The following IFIH1 variants were observed in gnomAD, a reference collection of about 807,000 sequenced individuals.
IFIH1 encodes interferon induced with helicase C domain 1.
Under a neutral mutation model 107.4 loss-of-function variants are expected in IFIH1, and 125 were observed. The observed-to-expected ratio is 1.16, with a 90% CI of 1.01 to 1.35. The LOEUF (loss-of-function observed/expected upper bound fraction) is 1.35, where lower values mean the gene tolerates loss of function less well. Ranked by LOEUF, IFIH1 falls within the 40% of genes most tolerant of loss-of-function variation. IFIH1 has a pLI of 0.00. For missense variants in IFIH1, 1,333 were observed against 1,213.7 expected (o/e 1.10, Z -1.46); for synonymous variants, 458 against 413.2 (o/e 1.11, Z -1.31).
intron 1 of IFIH1, among the ~76,000 whole-genome samples, chr2:162,313,678 C>G (rs1029875336): frequency 3.9e-5 from 6 of 152,072 alleles, no homozygotes; most frequent in African/African-American, 1.4e-4. Context: ...CAGCAGAGTT[C>G]AACTCTCAGA....
intron 12 of IFIH1, among the ~76,000 whole-genome samples, chr2:162,273,540 G>T (rs746778904): frequency 6.6e-6 from 1 of 152,122 alleles, no homozygotes; most frequent in Non-Finnish European, 1.5e-5. Context: ...TCATGGTCCT[G>T]GAAAGCCTTA....
At position 162,288,255 on chromosome 2, in the gene IFIH1, G is replaced by T; in HGVS notation, c.975C>A (p.Ile325=). Residue 325 remains isoleucine (I), a synonymous_variant, in exon 5 of 16, where the codon ATC becomes ATA. Coordinates refer to ENST00000649979, the MANE Select transcript of IFIH1 (RefSeq NM_022168.4). ...VAQPALEGKN[I]IICLPTGSGK... is the part of the protein sequence containing the mutation. The stretch of plus-strand genomic sequence containing the variant: ...CACTCCCTGTAGGGAGGCAGATGAT[G>T]ATATTCTTCCCTTCCAAGGCTGGCT... 1.2e-6 allele frequency: 2 copies of T among 1,612,742 alleles called. No homozygotes were observed. Among genetic ancestry groups the T allele is most frequent in the East Asian group, 4.5e-5 (2 of 44,830 alleles).
intron 1 of IFIH1, among the ~76,000 whole-genome samples, chr2:162,313,990 T>C (rs1261278386): frequency 1.3e-5 from 2 of 151,992 alleles, no homozygotes; most frequent in Non-Finnish European, 2.9e-5. Flanking sequence ...GTGTGTGGAG[T>C]CTCCAGGACT....
chr2:162,286,941 A>C (rs993896408), intron 5 of IFIH1, among the ~76,000 whole-genome samples: 3 of 151,958 alleles, frequency 2.0e-5, no homozygotes, highest in Non-Finnish European at 4.4e-5. Context: ...AAGTTAGAGA[A>C]GTTACTAATT....
intron 1 of IFIH1, among the ~76,000 whole-genome samples, chr2:162,314,408 TTTC>T (rs1315962662): frequency 8.4e-5 from 6 of 71,044 alleles, no homozygotes; most frequent in African/African-American, 6.1e-4. Flanking sequence ...CCTTTCTTTC[TTTC>T]TTTCTTTTCT....
At chr2:162,310,716 A>C (rs776008520) in intron 2 of IFIH1, 49 bp downstream of exon 2, 1 of 1,497,160 alleles carries the variant, frequency 6.7e-7, no homozygotes, top group Non-Finnish European at 9.3e-7. Flanking sequence ...TTGAATTCTC[A>C]ATCACTAGGC....
At position 162,277,442 on chromosome 2, in the gene IFIH1, C is replaced by T. The variant is rs746781048; in HGVS notation, c.2017G>A (p.Asp673Asn). The change falls in exon 10 of 16, where the codon GAT becomes AAT. Residue 673 changes from aspartate to asparagine, a missense_variant. Physicochemically the swap from Asp to Asn is conservative, Grantham distance 23. Coordinates refer to ENST00000649979, the MANE Select transcript of IFIH1 (RefSeq NM_022168.4). Reference sequence around the variant, plus strand: ...AAAAATAAAGTCATGAGAAATCTATCTGTTTCATCCAGTTTCAAAGGTTTC... The same window carrying T: ...AAAAATAAAGTCATGAGAAATCTATTTGTTTCATCCAGTTTCAAAGGTTTC... ...LKKPLKLDET[D>N]RFLMTLFFEN... 5.0e-6 allele frequency: 8 copies of T among 1,608,904 alleles called. No homozygotes were observed. The highest frequency in any genetic ancestry group is 5.9e-6 in the Non-Finnish European group (7 of 1,176,628).
chr2:162,289,035 GA>G (rs1309675965), intron 4 of IFIH1, among the ~76,000 whole-genome samples: 3 of 151,276 alleles, frequency 2.0e-5, no homozygotes, highest in Non-Finnish European at 4.4e-5. Flanking sequence ...GAGAGTAGAG[GA>G]AAAAACTCTT....
Position 162,272,395 on chromosome 2 carries a change from C to T in IFIH1, c.2455-8G>A, listed in dbSNP as rs1444002660. On this transcript the variant is annotated splice_polypyrimidine_tract_variant and splice_region_variant and intron_variant, in intron 12 of 15. Transcript: ENST00000649979. The stretch of plus-strand genomic sequence containing the variant: ...TCTGGCTCGACCACGGGCCTGAAAA[C>T]ACAAATAAATCAAGTAAATGAAAGG... 2.5e-6 allele frequency: 4 copies of T among 1,609,006 alleles called. No homozygotes were observed. The highest frequency in any genetic ancestry group is 3.4e-5 in the Admixed American group (2 of 58,324).
intron 11 of IFIH1, among the ~76,000 whole-genome samples, chr2:162,276,416 A>G (rs1691155754): frequency 6.6e-6 from 1 of 152,172 alleles, no homozygotes; most frequent in African/African-American, 2.4e-5. Context: ...AAGCCAGGAC[A>G]ACATAGTGGG....
chr2:162,280,314 C>A (rs1420252547), intron 7 of IFIH1, among the ~76,000 whole-genome samples: 1 of 151,904 alleles, frequency 6.6e-6, no homozygotes, highest in East Asian at 1.9e-4. Context: ...CTCATTAACC[C>A]ACAATCAGCA....
intron 3 of IFIH1, among the ~76,000 whole-genome samples, chr2:162,299,693 C>A (rs923435357): frequency 6.6e-6 from 1 of 152,106 alleles, no homozygotes; most frequent in Non-Finnish European, 1.5e-5. Context: ...ATTGTGCTGG[C>A]ATTGTATAAT....
chr2:162,277,754 C>A, intron 9 of IFIH1, 61 bp from the exon 10 acceptor site: 1 of 1,523,246 alleles, frequency 6.6e-7, no homozygotes, highest in South Asian at 1.3e-5. Context: ...AAAATTGTGC[C>A]ATGGACTTGA....
chr2:162,276,778 A>G lies in IFIH1; in HGVS notation c.2213T>C (p.Ile738Thr), dbSNP rs1403656282. 6.2e-7 allele frequency: 1 copy of G among 1,613,990 alleles called. No homozygotes were observed. Among genetic ancestry groups the G allele is most frequent in the East Asian group, 2.2e-5 (1 of 44,870 alleles). ...RQSAYALSQWITENEKFAEVG... is the reference protein window; with the variant it reads ...RQSAYALSQWTTENEKFAEVG... ...TTCAGCAAATTTTTCATTTTCAGTAATCCACTGGGAAAGCGCATATGCACT... is the reference window on the plus strand; with the variant it reads ...TTCAGCAAATTTTTCATTTTCAGTAGTCCACTGGGAAAGCGCATATGCACT... Residue 738 changes from isoleucine (I) to threonine (T), a missense_variant, in exon 11 of 16, where the codon ATT (isoleucine) becomes ACT (threonine). Coordinates refer to ENST00000649979, the MANE Select transcript of IFIH1 (RefSeq NM_022168.4).
rs1332889660 is a variant in IFIH1 at position 162,313,074 on chromosome 2, C to G, written c.454-2141G>C. On this transcript the variant is annotated intron_variant, in intron 1 of 15. Transcript: ENST00000649979. ...ATAAGGATCATGATGTCATTATTTC[C>G]TAAACATATTCTTACAATTTGAATG... 2.0e-5 allele frequency among the ~76,000 whole-genome samples: 3 copies of G among 152,110 alleles called. No individual in the cohort carries two copies. In the East Asian group the frequency reaches 5.8e-4, roughly 29 times the overall value.
intron 13 of IFIH1, among the ~76,000 whole-genome samples, chr2:162,270,801 T>C (rs1691020751): frequency 1.3e-5 from 2 of 152,180 alleles, no homozygotes; most frequent in South Asian, 4.1e-4. Context: ...GACAAAAGTT[T>C]GATTTGATAC....
intron 2 of IFIH1, 137 bp downstream of exon 2, chr2:162,310,628 T>C: frequency 1.5e-6 from 1 of 647,624 alleles, no homozygotes. Context: ...ATAAAATAGA[T>C]GATCTATCAC....
In IFIH1 at chr2:162,278,204, C is replaced by T. The variant is rs1292220162; in HGVS notation, c.1765+1G>A. On this transcript the variant is annotated splice_donor_variant, in intron 9 of 15. Coordinates refer to ENST00000649979, the MANE Select transcript of IFIH1 (RefSeq NM_022168.4). LOFTEE classifies it high-confidence loss of function. ...AAGTGTTAGGTCCAAACCTAAATTA[C>T]CTTTTTTTTCCATTTGAATGGCCCA... 3.1e-6 allele frequency: 5 copies of T among 1,601,850 alleles called. No homozygotes were observed. Among genetic ancestry groups the T allele is most frequent in the East Asian group, 4.5e-5 (2 of 44,564 alleles).
intron 1 of IFIH1, 115 bp downstream of exon 1, chr2:162,317,740 A>C (rs923235842): frequency 1.3e-6 from 1 of 794,652 alleles, no homozygotes; most frequent in African/African-American, 1.7e-5. Flanking sequence ...TTCTCAAAGG[A>C]AGAAACTAGA....
Sources: allele counts gnomAD v4.1 joint callset (sites outside exome capture counted in the v4.1 genomes callset), GRCh38; gene constraint gnomAD v4.1.1; transcripts MANE v1.5; gene names NCBI Gene and HGNC (gene_info 2026-07-23, HGNC 2026-07-21).